Variants in FGF13 observed in about 807,000 individuals in gnomAD.
FGF13 encodes the protein fibroblast growth factor 13.
Under a neutral mutation model 19.5 loss-of-function variants are expected in FGF13, and 2 were observed. The observed-to-expected ratio is 0.10, with a 90% CI of 0.04 to 0.32. The LOEUF is 0.32. Among genes scored for constraint, FGF13 ranks in the 10% least tolerant of loss-of-function variants. FGF13 has a pLI of 1.00. For missense variants in FGF13, 113 were observed against 192.7 expected (o/e 0.59, Z 2.45); for synonymous variants, 72 against 76.9 (o/e 0.94, Z 0.33).
chrX:139,120,669 A>G (rs761263722), intron 1 of FGF13, among the ~76,000 whole-genome samples: 2 of 112,506 alleles, frequency 1.8e-5, no homozygotes, highest in East Asian at 5.7e-4. Context: ...TTCAAGCCAC[A>G]CTGCTAAAGG....
intron 3 of FGF13, among the ~76,000 whole-genome samples, chrX:138,665,755 C>T: frequency 9.0e-6 from 1 of 110,730 alleles, no homozygotes; most frequent in Admixed American, 9.6e-5. Flanking sequence ...GAGAAAGCCC[C>T]TACCCTCATG....
chrX:138,619,535 C>A lies in FGF13; in HGVS notation c.*13315G>T, dbSNP rs2088997677. 1.8e-5 allele frequency: 2 copies of A among 110,961 alleles called. No homozygotes were observed. Among genetic ancestry groups the A allele is most frequent in the Admixed American group, 9.6e-5 (1 of 10,412 alleles). The allele number at this position is 110,961 out of a possible 1,213,427, so 9.1% of individuals were successfully genotyped here. On this transcript the variant is annotated 3_prime_UTR_variant, in exon 5 of 5. Coordinates refer to ENST00000315930, the MANE Select transcript of FGF13 (RefSeq NM_004114.5). ...AGAAACTATCACAGTGAACATGCAA[C>A]CTACAGAGTGGGAGAAAATTTTTGC...
chrX:139,162,985 G>A (rs1360114717), intron 1 of FGF13, among the ~76,000 whole-genome samples: 4 of 112,114 alleles, frequency 3.6e-5, no homozygotes, highest in African/African-American at 1.3e-4. Context: ...ACAGTGTGGT[G>A]ATTCCTCAAG....
At chrX:139,185,957 C>G (rs1179202227) in intron 1 of FGF13, among the ~76,000 whole-genome samples, 1 of 111,514 alleles carries the variant, frequency 9.0e-6, no homozygotes, top group African/African-American at 3.3e-5. Context: ...TTATATCACA[C>G]ACAATCTATG....
At chrX:139,145,496 G>A (rs1192449263) in intron 1 of FGF13, among the ~76,000 whole-genome samples, 1 of 110,730 alleles carries the variant, frequency 9.0e-6, no homozygotes, top group African/African-American at 3.3e-5. Context: ...CTTCAAAAAT[G>A]CTGTTCATCA....
upstream of FGF13, among the ~76,000 whole-genome samples, chrX:138,742,970 C>G (rs1364166243): frequency 9.0e-6 from 1 of 111,625 alleles, no homozygotes; most frequent in Non-Finnish European, 1.9e-5. Context: ...ACTGATCCCT[C>G]ACCTTGGGAA....
intron 1 of FGF13, among the ~76,000 whole-genome samples, chrX:139,184,379 T>C (rs1163625175): frequency 8.9e-6 from 1 of 111,833 alleles, no homozygotes. Flanking sequence ...TGTGCACTTT[T>C]ATTTTACCCA....
At chrX:138,931,335 A>T (rs2091700315) in intron 1 of FGF13, among the ~76,000 whole-genome samples, 1 of 111,478 alleles carries the variant, frequency 9.0e-6, no homozygotes, top group Non-Finnish European at 1.9e-5. Context: ...AGAGACTGAC[A>T]GGGACTCTTC....
At chrX:138,876,058 A>G (rs984861499) in intron 1 of FGF13, among the ~76,000 whole-genome samples, 4 of 110,550 alleles carry the variant, frequency 3.6e-5, no homozygotes, top group Non-Finnish European at 7.6e-5. Flanking sequence ...TTCTCTGGAG[A>G]ACCCTGATTG....
chrX:139,073,884 AAATG>A (rs1242265555), intron 1 of FGF13, among the ~76,000 whole-genome samples: 9 of 112,640 alleles, frequency 8.0e-5, no homozygotes, highest in Non-Finnish European at 1.7e-4. Context: ...AGCTGGCAAG[AAATG>A]TTTGCCAAGT....
At chrX:139,177,169 C>T (rs1249721244) in intron 1 of FGF13, among the ~76,000 whole-genome samples, 4 of 105,414 alleles carry the variant, frequency 3.8e-5, no homozygotes, top group African/African-American at 1.4e-4. Flanking sequence ...ATGTAATGCC[C>T]TTCTTTGTCT....
chrX:138,737,338 C>T (rs2090285778), intron 1 of FGF13, among the ~76,000 whole-genome samples: 2 of 111,741 alleles, frequency 1.8e-5, no homozygotes, highest in South Asian at 7.5e-4. Flanking sequence ...GCTGCATATC[C>T]TTTCTCCTGA....
intron 1 of FGF13, among the ~76,000 whole-genome samples, chrX:139,073,137 C>G (rs201924524): frequency 0.16 from 16,833 of 102,516 alleles, 1,214 homozygotes; most frequent in African/African-American, 0.28. Flanking sequence ...TGTTTTTCCC[C>G]CCCCCCTTTT....
chrX:138,991,260 C>T (rs764771824), intron 1 of FGF13, among the ~76,000 whole-genome samples: 3 of 112,217 alleles, frequency 2.7e-5, no homozygotes, highest in Non-Finnish European at 5.6e-5. Flanking sequence ...CAATTTGATA[C>T]TTAAAACACA....
At chrX:138,743,518 T>G (rs2090333606), upstream of FGF13, among the ~76,000 whole-genome samples, 1 of 111,252 alleles carries the variant, frequency 9.0e-6, no homozygotes, top group Middle Eastern at 4.6e-3. Context: ...CCTTATGTAA[T>G]CTATGGACTT....
At chrX:138,755,533 T>A (rs1297133104) in intron 3 of FGF13, among the ~76,000 whole-genome samples, 1 of 112,601 alleles carries the variant, frequency 8.9e-6, no homozygotes, top group African/African-American at 3.2e-5. Flanking sequence ...GTGGCCTGCA[T>A]AAGGCAATAA....
rs1447100519 is a variant in FGF13, at chrX:138,619,488, T to G, written c.*13362A>C. 2 of 111,005 alleles carry G rather than the reference T, an allele frequency of 1.8e-5. No individual in the cohort carries two copies. Among genetic ancestry groups the G allele is most frequent in the East Asian group, 5.6e-4 (2 of 3,550 alleles). 9.1% of individuals were successfully genotyped at this position (111,005 alleles called of 1,213,427 possible). A position where few individuals can be genotyped will look rare whatever the true frequency, so the allele number is the denominator to read the frequency against. ...CACATGTACCCCAGAACTTCAAGTA[T>G]AATATAAAAAGAAAGAAAGACAGAA... is the stretch of plus-strand genomic sequence containing the variant. On this transcript the variant is annotated 3_prime_UTR_variant, in exon 5 of 5. Coordinates refer to ENST00000315930, the MANE Select transcript of FGF13 (RefSeq NM_004114.5).
At chrX:138,964,335 T>A (rs1279943335) in intron 1 of FGF13, among the ~76,000 whole-genome samples, 1 of 111,695 alleles carries the variant, frequency 9.0e-6, no homozygotes, top group Non-Finnish European at 1.9e-5. Context: ...CCCCCCACTA[T>A]TTTTCTATGT....
At chrX:139,011,223 A>T (rs771140413) in intron 1 of FGF13, among the ~76,000 whole-genome samples, 2 of 110,922 alleles carry the variant, frequency 1.8e-5, no homozygotes, top group East Asian at 5.7e-4. Context: ...TCTATCAGAC[A>T]TTCAAAGAAG....
Sources: allele counts gnomAD v4.1 joint callset (sites outside exome capture counted in the v4.1 genomes callset), GRCh38; gene constraint gnomAD v4.1.1; transcripts MANE v1.5; gene names NCBI Gene and HGNC (gene_info 2026-07-23, HGNC 2026-07-21).